PDE10A: variants seen among roughly 807,000 people sequenced by gnomAD.
PDE10A encodes the protein cAMP and cAMP-inhibited cGMP 3',5'-cyclic phosphodiesterase 10A.
A neutral mutation model predicts 97.7 loss-of-function variants in PDE10A; 39 were observed. That is an observed-to-expected ratio of 0.40 (90% CI 0.31 to 0.52). The LOEUF is 0.52. PDE10A is among the 20% of genes least tolerant of loss of function. The pLI is 0.56. For synonymous variants in PDE10A, 371 were observed against 376.8 expected (o/e 0.98, Z 0.18); for missense variants, 731 against 1,047.8 (o/e 0.70, Z 4.17).
At chr6:165,892,811 A>G (rs35868231) in intron 1 of PDE10A, among the ~76,000 whole-genome samples, 2,743 of 152,320 alleles carry the variant, frequency 0.018, 32 homozygotes, top group Non-Finnish European at 0.029. Flanking sequence ...ATCAAGTTAA[A>G]AGGGTCTTGG....
chr6:165,760,828 AT>A (rs1057488856), intron 1 of PDE10A, among the ~76,000 whole-genome samples: 27 of 152,266 alleles, frequency 1.8e-4, no homozygotes, highest in African/African-American at 6.3e-4. Context: ...CAGGGAAGGG[AT>A]TTGAGTTGTG....
chr6:165,660,122 G>A (rs1299221422), intron 1 of PDE10A: 1 of 152,492 alleles, frequency 6.6e-6, no homozygotes, highest in Admixed American at 6.5e-5. Context: ...CCACCAGATA[G>A]GGGACCAGGA....
chr6:165,587,340 C>A (rs758625822), intron 1 of PDE10A, among the ~76,000 whole-genome samples: 1 of 152,124 alleles, frequency 6.6e-6, no homozygotes, highest in Non-Finnish European at 1.5e-5. Flanking sequence ...AAGTTACGTA[C>A]CAAAACCCAG....
chr6:165,384,647 TGTGTGTGTGTGTGTGTGTGTGTATGG>T (rs1785155714), intron 17 of PDE10A, among the ~76,000 whole-genome samples: 1 of 56,804 alleles, frequency 1.8e-5, no homozygotes, highest in African/African-American at 8.9e-5. Flanking sequence ...TGTGTGTGTG[TGTGTGTGTGTGTGTGTGTGTGTATGG>T]GGGGGGGCGA....
intron 1 of PDE10A, among the ~76,000 whole-genome samples, chr6:165,776,256 C>A (rs1032993232): frequency 2.6e-5 from 4 of 152,130 alleles, no homozygotes; most frequent in Admixed American, 6.5e-5. Context: ...CACATTTAAA[C>A]TTTTCTAAAG....
intron 18 of PDE10A, among the ~76,000 whole-genome samples, chr6:165,354,105 A>T (rs1464978145): frequency 6.6e-6 from 1 of 152,218 alleles, no homozygotes; most frequent in Non-Finnish European, 1.5e-5. Context: ...AGGCTAAGAT[A>T]AATGCCCACA....
chr6:165,563,315 ATGCTAT>A (rs1158793926), intron 1 of PDE10A, among the ~76,000 whole-genome samples: 1 of 152,040 alleles, frequency 6.6e-6, no homozygotes, highest in Non-Finnish European at 1.5e-5. Flanking sequence ...AGAAGTTACT[ATGCTAT>A]TGCATTGTAG....
At chr6:165,532,463 A>G (rs1583481510) in intron 2 of PDE10A, among the ~76,000 whole-genome samples, 1 of 152,028 alleles carries the variant, frequency 6.6e-6, no homozygotes, top group Non-Finnish European at 1.5e-5. Context: ...TACAAGTGCT[A>G]AAAGGAAAGG....
At chr6:165,557,874 G>C (rs2128335289) in intron 1 of PDE10A, among the ~76,000 whole-genome samples, 1 of 152,322 alleles carries the variant, frequency 6.6e-6, no homozygotes, top group African/African-American at 2.4e-5. Context: ...TAAGCATGCT[G>C]CAAGGTCGAT....
At chr6:165,645,853 C>CTAAAAAAAAA (rs1789368444) in intron 1 of PDE10A, among the ~76,000 whole-genome samples, 1 of 101,230 alleles carries the variant, frequency 9.9e-6, no homozygotes, top group African/African-American at 3.5e-5. Context: ...GACTCCATCT[C>CTAAAAAAAAA]AAAAAAAAAA....
chr6:165,523,656 C>T lies in PDE10A; in HGVS notation c.994+19784G>A, dbSNP rs541433523. ...AAAGACTTAAATATAGGACCTAAAACTATAAAAATCTTATAAGAACCCTAG... is the reference window on the plus strand; with the variant it reads ...AAAGACTTAAATATAGGACCTAAAATTATAAAAATCTTATAAGAACCCTAG... On this transcript the variant is annotated intron_variant, in intron 2 of 21. Coordinates refer to ENST00000539869, the MANE Select transcript of PDE10A (RefSeq NM_001385079.1). Among the ~76,000 whole-genome samples the T allele has an allele frequency of 4.1e-4, 63 of 152,222 alleles. 1 individual carries two copies. The highest frequency in any genetic ancestry group is 1.5e-3 in the African/African-American group (62 of 41,546).
At chr6:165,837,532 A>T (rs578100853) in intron 1 of PDE10A, among the ~76,000 whole-genome samples, 4 of 152,130 alleles carry the variant, frequency 2.6e-5, no homozygotes, top group African/African-American at 9.6e-5. Flanking sequence ...GTAAGTAAAC[A>T]TTTGCTGCCA....
intron 1 of PDE10A, among the ~76,000 whole-genome samples, chr6:165,635,505 G>A (rs563743855): frequency 1.2e-4 from 18 of 152,242 alleles, no homozygotes; most frequent in African/African-American, 3.4e-4. Context: ...GTGCATGCAC[G>A]CGTGCACGAC....
At chr6:165,910,936 G>A (rs1006620783) in intron 1 of PDE10A, 4 of 152,190 alleles carry the variant, frequency 2.6e-5, no homozygotes, top group African/African-American at 7.2e-5. Context: ...GACTGGTCTG[G>A]TGAGTATTTA....
At chr6:165,958,748 AG>A (rs1169007723) in intron 1 of PDE10A, among the ~76,000 whole-genome samples, 9 of 702 alleles carry the variant, frequency 0.013, 1 homozygote, top group African/African-American at 0.018. Context: ...AGAAAGAAAG[AG>A]AAAGAAAGAA....
At chr6:165,512,476 C>A (rs1413516398) in intron 2 of PDE10A, among the ~76,000 whole-genome samples, 1 of 151,932 alleles carries the variant, frequency 6.6e-6, no homozygotes, top group Non-Finnish European at 1.5e-5. Flanking sequence ...ATATATCATT[C>A]TACTCTCTCC....
chr6:165,389,894 G>A (rs937006247), intron 16 of PDE10A, among the ~76,000 whole-genome samples: 1 of 152,138 alleles, frequency 6.6e-6, no homozygotes, highest in Admixed American at 6.6e-5. Context: ...AAATTGAAGG[G>A]AAGAAAGAAC....
In PDE10A at chr6:165,373,416, C is replaced by T. The variant is rs551071086; in HGVS notation, c.2783+5778G>A. Reference sequence around the variant, plus strand: ...ACAAACAACCCCATCAAAAAGTGGGCAAAGGATATGAACGGACACTTCTCA... The same window carrying T: ...ACAAACAACCCCATCAAAAAGTGGGTAAAGGATATGAACGGACACTTCTCA... On this transcript the variant is annotated intron_variant, in intron 18 of 21. Transcript: ENST00000539869. Among the ~76,000 whole-genome samples the T allele has an allele frequency of 8.6e-4, 131 of 152,286 alleles. No individual in the cohort carries two copies. In the South Asian group the frequency reaches 8.9e-3, roughly 10 times the overall value.
intron 1 of PDE10A, among the ~76,000 whole-genome samples, chr6:165,945,225 G>A (rs1046288062): frequency 4.6e-5 from 7 of 152,128 alleles, no homozygotes; most frequent in African/African-American, 7.2e-5. Flanking sequence ...GCCATGTGCC[G>A]TGAACCACCT....
Sources: gnomAD v4.1 joint callset for allele counts (sites outside exome capture counted in the v4.1 genomes callset) on GRCh38, gnomAD v4.1.1 for gene constraint, MANE v1.5 for transcripts, NCBI Gene and HGNC (gene_info 2026-07-23, HGNC 2026-07-21) for gene names.